Variants in INO80C observed in about 807,000 individuals in gnomAD.
INO80C encodes the protein INO80 complex subunit C, also known as IES6 homolog.
In INO80C, 17 loss-of-function variants were observed where a neutral mutation model predicts 17.7. The observed-to-expected ratio is 0.96, with a 90% CI of 0.66 to 1.44. The LOEUF is 1.44. Among genes scored for constraint, INO80C ranks in the 40% most tolerant of loss-of-function variants. The probability of loss-of-function intolerance (pLI) is 0.00; values close to 1 mark genes in which losing one functional copy is unlikely to be tolerated. For synonymous variants in INO80C, 96 were observed against 95.8 expected, an observed-to-expected ratio of 1.00 and a Z score of -0.01; for missense variants, 244 against 245.0, an observed-to-expected ratio of 1.00 and a Z score of 0.03.
At chr18:35,497,594 T>C in intron 1 of INO80C, 125 bp downstream of exon 1, 1 of 1,435,906 alleles carries the variant, frequency 7.0e-7, no homozygotes, top group Admixed American at 2.9e-5. Flanking sequence ...CGGGGCAGCG[T>C]CTTTCAACCC....
intron 1 of INO80C, among the ~76,000 whole-genome samples, chr18:35,481,176 A>G (rs1198166130): frequency 6.6e-6 from 1 of 152,234 alleles, no homozygotes; most frequent in Non-Finnish European, 1.5e-5. Context: ...ACGGAAAAAA[A>G]GCTGGAGGGC....
chr18:35,474,205 G>GTGTATATATATA (rs1182452867), intron 4 of INO80C, among the ~76,000 whole-genome samples: 1 of 27,248 alleles, frequency 3.7e-5, no homozygotes, highest in Admixed American at 5.0e-4. Flanking sequence ...GTGTGTGTGT[G>GTGTATATATATA]TCTATATATA....
intron 1 of INO80C, among the ~76,000 whole-genome samples, chr18:35,493,048 C>T (rs2045947386): frequency 6.6e-6 from 1 of 152,114 alleles, no homozygotes; most frequent in African/African-American, 2.4e-5. Context: ...AGACTCTGGA[C>T]GGCATGCCTG....
chr18:35,492,004 T>TGCCCA (rs1201743558), intron 1 of INO80C, among the ~76,000 whole-genome samples: 1 of 152,224 alleles, frequency 6.6e-6, no homozygotes, highest in Non-Finnish European at 1.5e-5. Flanking sequence ...TGCTCTGCTC[T>TGCCCA]GCCCAACTGA....
At chr18:35,491,184 G>T (rs2045929385) in intron 1 of INO80C, among the ~76,000 whole-genome samples, 2 of 152,208 alleles carry the variant, frequency 1.3e-5, no homozygotes, top group Non-Finnish European at 2.9e-5. Flanking sequence ...TAGGCGTTTA[G>T]TTCCAAGGCC....
chr18:35,497,608 C>T (rs1025979519), intron 1 of INO80C, 111 bp downstream of exon 1: 1 of 1,461,458 alleles, frequency 6.8e-7, no homozygotes, highest in Non-Finnish European at 9.0e-7. Flanking sequence ...TCAACCCCAA[C>T]GGAGACCGCA....
intron 1 of INO80C, among the ~76,000 whole-genome samples, chr18:35,494,423 A>T (rs2045959663): frequency 6.6e-6 from 1 of 152,226 alleles, no homozygotes; most frequent in Non-Finnish European, 1.5e-5. Flanking sequence ...TAATCACATA[A>T]ATCTTTTAAA....
intron 4 of INO80C, among the ~76,000 whole-genome samples, chr18:35,475,264 G>A (rs1032530619): frequency 6.6e-6 from 1 of 152,146 alleles, no homozygotes; most frequent in Non-Finnish European, 1.5e-5. Context: ...AACCATGGAA[G>A]CAAAAAGACA....
At chr18:35,490,467 C>A (rs2045922573) in intron 1 of INO80C, among the ~76,000 whole-genome samples, 1 of 152,218 alleles carries the variant, frequency 6.6e-6, no homozygotes. Context: ...AAAGAGATTT[C>A]CTGGGGCCAG....
At chr18:35,495,159 T>C (rs1444639081) in intron 1 of INO80C, among the ~76,000 whole-genome samples, 1 of 152,250 alleles carries the variant, frequency 6.6e-6, no homozygotes, top group Non-Finnish European at 1.5e-5. Flanking sequence ...CCGGGCACAG[T>C]GGCTCATGCC....
chr18:35,472,916 T>C (rs1005818102), intron 4 of INO80C, among the ~76,000 whole-genome samples: 12 of 152,250 alleles, frequency 7.9e-5, no homozygotes, highest in Non-Finnish European at 1.5e-4. Flanking sequence ...GATTGTCCTT[T>C]AATGAACTAG....
At chr18:35,491,869 G>T (rs2045936481) in intron 1 of INO80C, among the ~76,000 whole-genome samples, 1 of 152,200 alleles carries the variant, frequency 6.6e-6, no homozygotes, top group Non-Finnish European at 1.5e-5. Flanking sequence ...AGCACTAAGG[G>T]GCGCCCCCTC....
At position 35,468,600 on chromosome 18, in the gene INO80C, CT is replaced by C; in HGVS notation, c.*10del. ...TGAAACAGCTTTCCACTTCATCTCC[CT>C]TTCTGGGGCTCAGGGAACGATGCTC... On this transcript the variant is annotated 3_prime_UTR_variant, in exon 5 of 5. Coordinates refer to ENST00000334598, the MANE Select transcript of INO80C (RefSeq NM_194281.4). The C allele has an allele frequency of 6.2e-7, 1 of 1,614,098 alleles. No individual in the cohort carries two copies. Among genetic ancestry groups the C allele is most frequent in the Non-Finnish European group, 8.5e-7 (1 of 1,180,002 alleles).
intron 1 of INO80C, among the ~76,000 whole-genome samples, chr18:35,490,852 C>T (rs2045926903): frequency 6.6e-6 from 1 of 152,178 alleles, no homozygotes; most frequent in Non-Finnish European, 1.5e-5. Flanking sequence ...ACCTCCTGGG[C>T]TCAAGCCATC....
chr18:35,486,172 T>G (rs547535491), intron 1 of INO80C, among the ~76,000 whole-genome samples: 1 of 152,306 alleles, frequency 6.6e-6, no homozygotes, highest in South Asian at 2.1e-4. Context: ...TGTAATATTA[T>G]TCAATCACAA....
At chr18:35,492,552 A>G (rs1598751223) in intron 1 of INO80C, among the ~76,000 whole-genome samples, 1 of 149,274 alleles carries the variant, frequency 6.7e-6, no homozygotes. Context: ...ATGAAAAAAA[A>G]GGTAATTTTA....
chr18:35,483,917 A>G (rs2045844161), intron 1 of INO80C, among the ~76,000 whole-genome samples: 1 of 152,222 alleles, frequency 6.6e-6, no homozygotes, highest in Non-Finnish European at 1.5e-5. Flanking sequence ...AAGGTTTCAT[A>G]TACTTGAAAA....
At chr18:35,470,607 T>G (rs1298023779) in intron 4 of INO80C, among the ~76,000 whole-genome samples, 2 of 152,192 alleles carry the variant, frequency 1.3e-5, no homozygotes. Flanking sequence ...GCTCCATGTC[T>G]GTGGCTGCCT....
intron 1 of INO80C, among the ~76,000 whole-genome samples, chr18:35,490,274 T>C (rs1379601125): frequency 1.3e-5 from 2 of 152,124 alleles, no homozygotes; most frequent in South Asian, 2.1e-4. Flanking sequence ...TAACCATTCA[T>C]AGAGTGTGCC....
Sources: gnomAD v4.1 joint callset for allele counts (sites outside exome capture counted in the v4.1 genomes callset) on GRCh38, gnomAD v4.1.1 for gene constraint, MANE v1.5 for transcripts, NCBI Gene and HGNC (gene_info 2026-07-23, HGNC 2026-07-21) for gene names.